The following SASH1 variants were observed in gnomAD, a reference collection of about 807,000 sequenced individuals.
The protein encoded by SASH1 is SAM and SH3 domain containing 1, also known as SAM and SH3 domain-containing protein 1.
Under a neutral mutation model 125.2 loss-of-function variants are expected in SASH1, and 44 were observed. That is an observed-to-expected ratio of 0.35 (90% CI 0.28 to 0.45). The LOEUF is 0.45. Ranked by LOEUF, SASH1 falls within the 20% of genes least tolerant of loss-of-function variation. The probability of loss-of-function intolerance (pLI) is 1.00; values close to 1 mark genes in which losing one functional copy is unlikely to be tolerated. For synonymous variants in SASH1, 639 were observed against 649.1 expected (o/e 0.98, Z 0.24); for missense variants, 1,426 against 1,614.5 (o/e 0.88, Z 2.00).
chr6:148,422,511 A>G (rs776218616), intron 2 of SASH1, among the ~76,000 whole-genome samples: 1 of 152,256 alleles, frequency 6.6e-6, no homozygotes, highest in Non-Finnish European at 1.5e-5. Flanking sequence ...TTTAAACCAC[A>G]GTAAACTATG....
chr6:148,527,113 C>A (rs1781224352), intron 11 of SASH1, among the ~76,000 whole-genome samples: 1 of 152,084 alleles, frequency 6.6e-6, no homozygotes, highest in Admixed American at 6.5e-5. Context: ...ACCTCGTGAT[C>A]CACCTGCCTC....
At chr6:148,341,034 T>C (rs1017761971), upstream of SASH1, among the ~76,000 whole-genome samples, 2 of 152,072 alleles carry the variant, frequency 1.3e-5, no homozygotes, top group Non-Finnish European at 2.9e-5. Context: ...ACTCAGGTGG[T>C]TGAGGCAGGA....
intron 1 of SASH1, among the ~76,000 whole-genome samples, chr6:148,310,313 CGTT>C: frequency 6.6e-6 from 1 of 151,512 alleles, no homozygotes; most frequent in Non-Finnish European, 1.5e-5. Flanking sequence ...AAGAGTGAAA[CGTT>C]GTCTCAAAAC....
At chr6:148,357,195 C>A (rs57398061) in intron 1 of SASH1, among the ~76,000 whole-genome samples, 12,958 of 152,188 alleles carry the variant, frequency 0.085, 810 homozygotes, top group East Asian at 0.31. Context: ...GATTTATGCC[C>A]TCAGAGCTAC....
chr6:148,409,827 G>A (rs969283249), intron 2 of SASH1, among the ~76,000 whole-genome samples: 2 of 151,928 alleles, frequency 1.3e-5, no homozygotes. Context: ...CCAGCTACTC[G>A]GAAGGCTGAG....
the SASH1 span, among the ~76,000 whole-genome samples, chr6:148,213,533 T>TGTGTGTGTGTGTGTGTGTGTG: frequency 2.0e-5 from 3 of 151,388 alleles, no homozygotes; most frequent in Admixed American, 6.6e-5. Flanking sequence ...TGTGTGTGTG[T>TGTGTGTGTGTGTGTGTGTGTG]TTAAAGTGTT....
chr6:148,361,379 C>G (rs1326387014), intron 1 of SASH1, among the ~76,000 whole-genome samples: 1 of 152,172 alleles, frequency 6.6e-6, no homozygotes, highest in African/African-American at 2.4e-5. Context: ...GGGTGGATCA[C>G]CTGAGGTCAG....
At chr6:148,381,774 A>G (rs1466770431) in intron 1 of SASH1, among the ~76,000 whole-genome samples, 1 of 151,512 alleles carries the variant, frequency 6.6e-6, no homozygotes, top group Non-Finnish European at 1.5e-5. Context: ...GATTACAGGC[A>G]TGCACCACCA....
chr6:148,302,042 G>A (rs554736176), intron 1 of SASH1, among the ~76,000 whole-genome samples: 5 of 151,726 alleles, frequency 3.3e-5, no homozygotes, highest in East Asian at 2.0e-4. Context: ...TAGGCCGGGC[G>A]TGGCGGCTCA....
intron 1 of SASH1, among the ~76,000 whole-genome samples, chr6:148,345,653 C>G (rs1562338018): frequency 6.6e-6 from 1 of 152,194 alleles, no homozygotes; most frequent in African/African-American, 2.4e-5. Context: ...GGAAATACAT[C>G]AAGACACAAA....
At chr6:148,241,471 A>G in the SASH1 span, among the ~76,000 whole-genome samples, 1 of 152,220 alleles carries the variant, frequency 6.6e-6, no homozygotes, top group African/African-American at 2.4e-5. Flanking sequence ...TCCTAGGCAA[A>G]TGGCATCTCC....
intron 4 of SASH1, among the ~76,000 whole-genome samples, chr6:148,449,695 G>A (rs1777000781): frequency 6.6e-6 from 1 of 152,160 alleles, no homozygotes; most frequent in Non-Finnish European, 1.5e-5. Flanking sequence ...TCGGAGACTG[G>A]CTAATTTCTA....
intron 1 of SASH1, among the ~76,000 whole-genome samples, chr6:148,326,414 C>CTTTTCT (rs57839850): frequency 3.6e-5 from 3 of 83,978 alleles, no homozygotes; most frequent in Admixed American, 1.6e-4. Context: ...CTTTTCTTTT[C>CTTTTCT]TTTTTTTTGA....
chr6:148,222,535 A>G, the SASH1 span, among the ~76,000 whole-genome samples: 1 of 152,080 alleles, frequency 6.6e-6, no homozygotes. Flanking sequence ...CCAAGAAGTG[A>G]ACTACATAAG....
At chr6:148,401,332 C>T (rs1358610843) in intron 2 of SASH1, among the ~76,000 whole-genome samples, 3 of 152,028 alleles carry the variant, frequency 2.0e-5, no homozygotes, top group East Asian at 3.9e-4. Flanking sequence ...AGGACACACA[C>T]TAGCTCATGG....
intron 1 of SASH1, among the ~76,000 whole-genome samples, chr6:148,334,649 T>C (rs1210653118): frequency 6.6e-6 from 1 of 150,390 alleles, no homozygotes; most frequent in Non-Finnish European, 1.5e-5. Flanking sequence ...CCATCTCTAC[T>C]AAAAATACAA....
At chr6:148,314,353 C>T (rs1410009806) in intron 1 of SASH1, among the ~76,000 whole-genome samples, 1 of 152,162 alleles carries the variant, frequency 6.6e-6, no homozygotes, top group East Asian at 1.9e-4. Flanking sequence ...ACAAAAAGTA[C>T]TTGATCAATT....
At chr6:148,324,492 T>G (rs1354166749) in intron 1 of SASH1, among the ~76,000 whole-genome samples, 1 of 152,174 alleles carries the variant, frequency 6.6e-6, no homozygotes, top group Non-Finnish European at 1.5e-5. Context: ...TTTCTCCAAC[T>G]CTGCCATCCA....
chr6:148,446,177 T>C (rs995011168), intron 4 of SASH1, among the ~76,000 whole-genome samples: 15 of 140,026 alleles, frequency 1.1e-4, no homozygotes, highest in South Asian at 2.4e-4. Flanking sequence ...GGCGCGATCT[T>C]GGCTCACTGC....
Sources: allele counts gnomAD v4.1 joint callset (sites outside exome capture counted in the v4.1 genomes callset), GRCh38; gene constraint gnomAD v4.1.1; transcripts MANE v1.5; gene names NCBI Gene and HGNC (gene_info 2026-07-23, HGNC 2026-07-21).